The following SHANK2 variants were observed in gnomAD, a reference collection of about 807,000 sequenced individuals.
SHANK2 encodes the protein SH3 and multiple ankyrin repeat domains 2.
A neutral mutation model predicts 133.7 loss-of-function variants in SHANK2; 43 were observed. The ratio of observed to expected loss-of-function variants is 0.32; its 90% CI spans 0.25 to 0.41. The LOEUF is 0.41. Among genes scored for constraint, SHANK2 ranks in the 10% least tolerant of loss-of-function variants. The pLI, the probability that SHANK2 is intolerant of heterozygous loss-of-function variation, is 1.00. For synonymous variants in SHANK2, 1,017 were observed against 952.8 expected (o/e 1.07, Z -1.24); for missense variants, 1,994 against 2,235.8 (o/e 0.89, Z 2.18).
At chr11:70,520,932 C>T (rs964183787) in intron 17 of SHANK2, among the ~76,000 whole-genome samples, 11 of 152,214 alleles carry the variant, frequency 7.2e-5, no homozygotes, top group Non-Finnish European at 1.2e-4. Context: ...CCTTCCTTTC[C>T]GGTTCTACAG....
At chr11:70,658,803 G>A (rs1252357118) in intron 17 of SHANK2, among the ~76,000 whole-genome samples, 1 of 152,208 alleles carries the variant, frequency 6.6e-6, no homozygotes, top group African/African-American at 2.4e-5. Flanking sequence ...CAGAATGAAT[G>A]TCTGTCTGTC....
intron 17 of SHANK2, among the ~76,000 whole-genome samples, chr11:70,636,845 AATGT>A (rs1256880194): frequency 9.2e-5 from 14 of 151,692 alleles, no homozygotes; most frequent in Non-Finnish European, 1.9e-4. Context: ...TATTTATAAG[AATGT>A]ATGTAAGCAT....
At chr11:70,661,497 G>A (rs1364527623) in intron 16 of SHANK2, 99 bp downstream of exon 16, 20 of 1,044,956 alleles carry the variant, frequency 1.9e-5, no homozygotes, top group Middle Eastern at 4.5e-4. Context: ...TCATGCAGGC[G>A]TATACACACA....
intron 10 of SHANK2, among the ~76,000 whole-genome samples, chr11:70,933,899 C>CAA (rs35735097): frequency 3.2e-5 from 4 of 123,902 alleles, no homozygotes; most frequent in Non-Finnish European, 6.6e-5. Flanking sequence ...GACTGTGTCT[C>CAA]AAAAAAAAAA....
chr11:70,640,488 CTG>C (rs2061163523), intron 17 of SHANK2, among the ~76,000 whole-genome samples: 1 of 152,236 alleles, frequency 6.6e-6, no homozygotes, highest in African/African-American at 2.4e-5. Flanking sequence ...GCCTCCAGCA[CTG>C]TGAGTGAACG....
In SHANK2 at chr11:71,118,834, G is replaced by C. The variant is rs1555100873; in HGVS notation, c.406C>G (p.Leu136Val). 6.5e-7 allele frequency: 1 copy of C among 1,547,428 alleles called. No individual in the cohort carries two copies. Among genetic ancestry groups the C allele is most frequent in the East Asian group, 2.4e-5 (1 of 40,860 alleles). ...CACTGTGGGCTGAAATATACCTCCA[G>C]GGAAGGAACGCCCTCACCCACGGGC... The part of the protein sequence containing the change: ...PQPVGEGVPS[L>V]EFRYKKRVYK... The change falls in exon 4 of 26, where the codon CTG (leucine) becomes GTG (valine). Residue 136 changes from leucine to valine, a missense_variant. Physicochemically the swap from Leu to Val is conservative, Grantham distance 32 (BLOSUM62 1). Around this residue, in one of 5 missense-constraint regions of SHANK2, gnomAD observed 653 missense variants for 563.4 expected, o/e 1.16. Coordinates refer to ENST00000601538, the MANE Select transcript of SHANK2 (RefSeq NM_012309.5).
At chr11:70,843,249 C>CCTATGGGGTGGGCTGGGCTG (rs1565355567) in intron 11 of SHANK2, among the ~76,000 whole-genome samples, 3 of 115,510 alleles carry the variant, frequency 2.6e-5, no homozygotes, top group East Asian at 2.7e-4. Flanking sequence ...GGGCTGGGCT[C>CCTATGGGGTGGGCTGGGCTG]CTATGGGGTG....
intron 2 of SHANK2, among the ~76,000 whole-genome samples, chr11:71,196,701 A>G (rs1244793845): frequency 1.3e-5 from 2 of 151,690 alleles, no homozygotes; most frequent in Non-Finnish European, 2.9e-5. Context: ...CGCATGGCTC[A>G]CAAAGACCCA....
At chr11:70,769,680 C>T (rs576598088) in intron 14 of SHANK2, among the ~76,000 whole-genome samples, 6 of 152,284 alleles carry the variant, frequency 3.9e-5, no homozygotes, top group Non-Finnish European at 5.9e-5. Flanking sequence ...GAAGCATGTG[C>T]AGCATGTGTG....
In SHANK2 at chr11:70,953,871, T is replaced by C. The variant is rs1185075428; in HGVS notation, c.1108-57304A>G. 2.6e-5 allele frequency among the ~76,000 whole-genome samples: 4 copies of C among 152,112 alleles called. No homozygotes were observed. In the East Asian group the frequency reaches 7.7e-4, roughly 29 times the overall value. ...TGCTCTGCCAGTTCCCACTGAGAGC[T>C]GGTTGTTAGGAAGGGCCTGGCACCT... On this transcript the variant is annotated intron_variant, in intron 10 of 25. Coordinates refer to ENST00000601538, the MANE Select transcript of SHANK2 (RefSeq NM_012309.5).
chr11:71,218,141 T>C (rs1555120340), intron 2 of SHANK2, among the ~76,000 whole-genome samples: 1 of 152,124 alleles, frequency 6.6e-6, no homozygotes, highest in Non-Finnish European at 1.5e-5. Flanking sequence ...ATTACAGGCA[T>C]GAGCCACCAT....
chr11:70,736,083 G>A (rs1436483780), intron 14 of SHANK2, among the ~76,000 whole-genome samples: 1 of 151,298 alleles, frequency 6.6e-6, no homozygotes, highest in Non-Finnish European at 1.5e-5. Context: ...CCTGACCCAG[G>A]TCTGAGGCTC....
chr11:70,583,316 G>A (rs2060207782), intron 17 of SHANK2, among the ~76,000 whole-genome samples: 1 of 152,148 alleles, frequency 6.6e-6, no homozygotes, highest in Non-Finnish European at 1.5e-5. Flanking sequence ...AGGTGACCTG[G>A]AGGGCAAGGG....
At chr11:70,891,339 A>G (rs1020151924) in intron 11 of SHANK2, among the ~76,000 whole-genome samples, 5 of 151,994 alleles carry the variant, frequency 3.3e-5, no homozygotes, top group African/African-American at 1.2e-4. Context: ...CATCTCTACT[A>G]AAGATACAAA....
rs372085940 is a variant in SHANK2, at chr11:70,752,638, G to A, written c.1777+45805C>T. Among the ~76,000 whole-genome samples, 90 of 150,370 alleles carry A rather than the reference G, an allele frequency of 6.0e-4. 1 individual carries two copies. The highest frequency in any genetic ancestry group is 2.0e-3 in the African/African-American group (80 of 40,620). On this transcript the variant is annotated intron_variant, in intron 14 of 25. Transcript: ENST00000601538. ...GGAGAATGGCGTGAACCCGGGAGGC[G>A]GAGCTTGCAGTGAGCCGAAATCGCG...
At chr11:71,237,303 C>G (rs1348838401) in intron 1 of SHANK2, among the ~76,000 whole-genome samples, 1 of 152,156 alleles carries the variant, frequency 6.6e-6, no homozygotes, top group Non-Finnish European at 1.5e-5. Flanking sequence ...CAAGCGACTG[C>G]CCAGGGGCCA....
chr11:70,866,194 G>A (rs1157291087), intron 11 of SHANK2, among the ~76,000 whole-genome samples: 1 of 152,204 alleles, frequency 6.6e-6, no homozygotes, highest in African/African-American at 2.4e-5. Flanking sequence ...CTCCTGGTGA[G>A]ACTTAGGCTC....
chr11:70,784,011 G>T (rs75905583), intron 14 of SHANK2, among the ~76,000 whole-genome samples: 2 of 152,162 alleles, frequency 1.3e-5, no homozygotes, highest in African/African-American at 2.4e-5. Context: ...AGGGGCCACT[G>T]GGGACAGGCT....
At chr11:70,596,122 T>C (rs2060396655) in intron 17 of SHANK2, among the ~76,000 whole-genome samples, 1 of 152,220 alleles carries the variant, frequency 6.6e-6, no homozygotes, top group Non-Finnish European at 1.5e-5. Context: ...TTCTGGCCTC[T>C]AGAGCTGCAG....
Sources: gnomAD v4.1 joint callset for allele counts (sites outside exome capture counted in the v4.1 genomes callset) on GRCh38, gnomAD v4.1.1 for gene constraint, gnomAD v4.1.1 regional missense constraint, MANE v1.5 for transcripts, NCBI Gene and HGNC (gene_info 2026-07-23, HGNC 2026-07-21) for gene names.